WAPL: variants seen among roughly 807,000 people sequenced by gnomAD.
The protein encoded by WAPL is wings apart-like protein homolog.
In WAPL, 5 loss-of-function variants were observed where a neutral mutation model predicts 121.0. That is an observed-to-expected ratio of 0.04 (90% CI 0.02 to 0.09). The LOEUF is 0.09. Ranked by LOEUF, WAPL falls within the 10% of genes least tolerant of loss-of-function variation. The pLI is 1.00. For synonymous variants in WAPL, 480 were observed against 481.5 expected, an observed-to-expected ratio of 1.00 and a Z score of 0.04; for missense variants, 999 against 1,410.8, an observed-to-expected ratio of 0.71 and a Z score of 4.68.
At chr10:86,455,215 T>C (rs1199232142) in intron 12 of WAPL, among the ~76,000 whole-genome samples, 1 of 152,200 alleles carries the variant, frequency 6.6e-6, no homozygotes, top group East Asian at 1.9e-4. Flanking sequence ...GAACGGGCCA[T>C]GATGACGATG....
In WAPL at chr10:86,472,426, G is replaced by C; in HGVS notation, c.1894-82C>G. 6.5e-7 allele frequency: 1 copy of C among 1,540,608 alleles called. No individual in the cohort carries two copies. The highest frequency in any genetic ancestry group is 8.7e-7 in the Non-Finnish European group (1 of 1,147,494). ...TATGGGCTCACTGTACTTTACATAA[G>C]TGCATAAAATAGTTCATTAGATGGC... On this transcript the variant is annotated intron_variant, in intron 6 of 18. Transcript: ENST00000298767. This position sits in a 1 kb window ranked among gnomAD's most constrained non-coding sequence, Gnocchi z 4.2.
At chr10:86,461,337 T>C (rs1286309983) in intron 9 of WAPL, 50 bp from the exon 10 acceptor site, 3 of 1,441,392 alleles carry the variant, frequency 2.1e-6, no homozygotes, top group Non-Finnish European at 2.9e-6. Context: ...GCAATAACTC[T>C]AGAAATTGTT....
chr10:86,442,410 T>A (rs1273946870), intron 17 of WAPL, among the ~76,000 whole-genome samples: 1 of 152,190 alleles, frequency 6.6e-6, no homozygotes, highest in Non-Finnish European at 1.5e-5. Flanking sequence ...GTTTTTAATA[T>A]TATATACTAT....
chr10:86,489,558 C>A (rs569743177), intron 4 of WAPL, among the ~76,000 whole-genome samples: 1 of 152,210 alleles, frequency 6.6e-6, no homozygotes, highest in East Asian at 1.9e-4. Context: ...TTGGCAATGT[C>A]CAAAGACATT....
chr10:86,476,516 C>T (rs984017811), intron 4 of WAPL, among the ~76,000 whole-genome samples: 5 of 151,988 alleles, frequency 3.3e-5, no homozygotes, highest in Admixed American at 6.6e-5. Flanking sequence ...GGATGAAACC[C>T]CGTCTCTACT....
chr10:86,492,967 G>A (rs889886801), intron 4 of WAPL, among the ~76,000 whole-genome samples: 3 of 151,884 alleles, frequency 2.0e-5, no homozygotes, highest in Non-Finnish European at 4.4e-5. Context: ...AGGCTGAGGC[G>A]GGAGAATGGC....
chr10:86,463,310 G>A (rs1356508987), intron 9 of WAPL, among the ~76,000 whole-genome samples: 5 of 152,334 alleles, frequency 3.3e-5, no homozygotes, highest in East Asian at 3.9e-4. Flanking sequence ...GGGGACCCCC[G>A]AGGCAGGTCC....
intron 8 of WAPL, among the ~76,000 whole-genome samples, chr10:86,467,745 C>T (rs565694568): frequency 8.4e-4 from 126 of 150,336 alleles, no homozygotes; most frequent in African/African-American, 2.8e-3. Flanking sequence ...GGCGCAATCT[C>T]GGCTCACTGC....
intron 9 of WAPL, among the ~76,000 whole-genome samples, chr10:86,465,945 CT>C (rs1213604724): frequency 2.6e-5 from 4 of 151,336 alleles, no homozygotes; most frequent in Admixed American, 6.6e-5. Context: ...TTCTTTTTTT[CT>C]TTTTTTTCAA....
At chr10:86,504,122 T>C (rs1192783079) in intron 2 of WAPL, among the ~76,000 whole-genome samples, 1 of 151,448 alleles carries the variant, frequency 6.6e-6, no homozygotes, top group African/African-American at 2.4e-5. Context: ...TGTAGTGAGC[T>C]GAGATAGCAC....
At chr10:86,496,273 T>C (rs933369961) in intron 4 of WAPL, among the ~76,000 whole-genome samples, 3 of 152,112 alleles carry the variant, frequency 2.0e-5, no homozygotes, top group African/African-American at 7.2e-5. Context: ...TAGGCTATTA[T>C]CAAAAAACAG....
rs1357972310 is a variant in WAPL at position 86,484,607 on chromosome 10, TAC to T, written c.1645-10636_1645-10635del. On this transcript the variant is annotated intron_variant, in intron 4 of 18. Coordinates refer to ENST00000298767, the MANE Select transcript of WAPL (RefSeq NM_015045.5). The stretch of plus-strand genomic sequence containing the variant: ...ATACGTGTACAGTCTTTATAAAGTC[TAC>T]AGTAGTGTCCTAAGCTTTCACATTC... Among the ~76,000 whole-genome samples, 11 of 152,358 alleles carry T rather than the reference TAC, an allele frequency of 7.2e-5. No individual in the cohort carries two copies. The East Asian group carries it at 1.9e-3, about 27-fold the overall frequency.
chr10:86,474,092 C>T, intron 4 of WAPL, 119 bp from the exon 5 acceptor site: 1 of 754,360 alleles, frequency 1.3e-6, no homozygotes, highest in East Asian at 2.7e-5. Context: ...TGGATACTAT[C>T]TGGGAACAGT....
chr10:86,482,536 T>G (rs1841815258), intron 4 of WAPL, among the ~76,000 whole-genome samples: 1 of 152,172 alleles, frequency 6.6e-6, no homozygotes, highest in African/African-American at 2.4e-5. Context: ...GAATCATTAC[T>G]CCTCGGAGAA....
intron 3 of WAPL, among the ~76,000 whole-genome samples, chr10:86,499,379 C>G (rs1842204381): frequency 6.6e-6 from 1 of 152,142 alleles, no homozygotes; most frequent in South Asian, 2.1e-4. Context: ...GTAGCCCCCC[C>G]AGCCATCAAC....
At chr10:86,476,627 T>C (rs1181192355) in intron 4 of WAPL, among the ~76,000 whole-genome samples, 4 of 150,986 alleles carry the variant, frequency 2.6e-5, no homozygotes, top group Non-Finnish European at 5.9e-5. Context: ...AGGTGGAGGT[T>C]GCAGTGAGCC....
intron 4 of WAPL, among the ~76,000 whole-genome samples, chr10:86,495,792 C>T (rs1201433910): frequency 6.6e-6 from 1 of 152,026 alleles, no homozygotes; most frequent in Non-Finnish European, 1.5e-5. Flanking sequence ...ACTACTACAA[C>T]TCAATAAAAA....
Position 86,457,602 on chromosome 10 carries a change from G to A in WAPL, c.2657+1387C>T, listed in dbSNP as rs540659563. ...CAGAAGGCAGAGGTTGCAGTGAGCC[G>A]AGATCATGCCACTGTACTCCAGCCT... On this transcript the variant is annotated intron_variant, in intron 12 of 18. Coordinates refer to ENST00000298767, the MANE Select transcript of WAPL (RefSeq NM_015045.5). Among the ~76,000 whole-genome samples, 74 of 151,726 alleles carry A rather than the reference G, an allele frequency of 4.9e-4. 1 individual carries two copies. The highest frequency in any genetic ancestry group is 1.7e-3 in the African/African-American group (71 of 41,364).
chr10:86,521,074 G>T (rs1015284901), intron 1 of WAPL, among the ~76,000 whole-genome samples: 1 of 152,284 alleles, frequency 6.6e-6, no homozygotes, highest in East Asian at 1.9e-4. Flanking sequence ...GCAGTGCAAG[G>T]CCCCAGTGGC....
Sources: gnomAD v4.1 joint callset for allele counts (sites outside exome capture counted in the v4.1 genomes callset) on GRCh38, gnomAD v4.1.1 for gene constraint, Gnocchi (gnomAD v3.1) non-coding constraint, MANE v1.5 for transcripts, NCBI Gene and HGNC (gene_info 2026-07-23, HGNC 2026-07-21) for gene names.